Variants in LAIR2 observed in about 807,000 individuals in gnomAD.
The protein encoded by LAIR2 is leukocyte associated immunoglobulin like receptor 2.
Under a neutral mutation model 14.8 loss-of-function variants are expected in LAIR2, and 14 were observed. The ratio of observed to expected loss-of-function variants is 0.95; its 90% CI spans 0.62 to 1.48. LAIR2 has a LOEUF of 1.48. Ranked by LOEUF, LAIR2 falls within the 40% of genes most tolerant of loss-of-function variation. The pLI, the probability that LAIR2 is intolerant of heterozygous loss-of-function variation, is 0.00. For missense variants in LAIR2, 172 were observed against 180.9 expected (o/e 0.95, Z 0.28); for synonymous variants, 75 against 74.5 (o/e 1.01, Z -0.03).
intron 2 of LAIR2, among the ~76,000 whole-genome samples, chr19:54,507,420 C>T (rs967816428): frequency 5.3e-5 from 8 of 152,186 alleles, no homozygotes; most frequent in Middle Eastern, 6.8e-3. Context: ...TGGCAACCCC[C>T]GTCCCACACT....
At chr19:54,506,017 G>T (rs1322176539) in intron 2 of LAIR2, among the ~76,000 whole-genome samples, 1 of 151,976 alleles carries the variant, frequency 6.6e-6, no homozygotes, top group Non-Finnish European at 1.5e-5. Flanking sequence ...TAGAGACGGG[G>T]ATTCACCATG....
chr19:54,503,416 C>G (rs1019439409), intron 1 of LAIR2, among the ~76,000 whole-genome samples: 1 of 151,904 alleles, frequency 6.6e-6, no homozygotes, highest in Admixed American at 6.6e-5. Flanking sequence ...TAAGATCGCG[C>G]CACTGCACTC....
rs1435846344 is a variant in LAIR2 at position 54,507,891 on chromosome 19, G to A, written c.71G>A (p.Gly24Glu). 6.2e-7 allele frequency: 1 copy of A among 1,612,836 alleles called. No individual in the cohort carries two copies. ...CLAQTIHTQEGALPRPSISAE... is the reference protein window; with the variant it reads ...CLAQTIHTQEEALPRPSISAE... ...AGATCCTTCTTTGCTTCCCTCTTAG[G>A]GGCCCTTCCCAGACCCTCCATCTCG... The change falls in exon 3 of 5, where the codon GGG (glycine) becomes GAG (glutamate). Residue 24 changes from glycine to glutamate, a missense_variant and splice_region_variant. By Grantham distance (98) the Gly-to-Glu change is moderately conservative. Coordinates refer to ENST00000301202, the MANE Select transcript of LAIR2 (RefSeq NM_002288.6).
intron 2 of LAIR2, among the ~76,000 whole-genome samples, chr19:54,504,665 A>G (rs1207477521): frequency 6.6e-6 from 1 of 152,032 alleles, no homozygotes; most frequent in African/African-American, 2.4e-5. Context: ...GCTGGAGTGC[A>G]ATGGCACAAT....
chr19:54,507,244 G>A (rs1051307289), intron 2 of LAIR2, among the ~76,000 whole-genome samples: 1 of 145,524 alleles, frequency 6.9e-6, no homozygotes. Context: ...ACAAGGAAAT[G>A]CAAATTAAGC....
chr19:54,507,832 T>G, intron 2 of LAIR2, 59 bp from the exon 3 acceptor site: 2 of 1,480,956 alleles, frequency 1.4e-6, no homozygotes, highest in Non-Finnish European at 1.9e-6. Flanking sequence ...TAAAATGACG[T>G]GTGTGGCATG....
chr19:54,510,251 C>T (rs1036371569), intron 4 of LAIR2, among the ~76,000 whole-genome samples: 1 of 144,560 alleles, frequency 6.9e-6, no homozygotes, highest in South Asian at 2.1e-4. Flanking sequence ...ATAAAGGTCA[C>T]GAGGGCAGAC....
intron 2 of LAIR2, 149 bp downstream of exon 2, chr19:54,503,884 AC>A (rs2085319978): frequency 3.2e-6 from 3 of 936,550 alleles, no homozygotes; most frequent in Non-Finnish European, 4.9e-6. Context: ...AAAATGCATA[AC>A]CCTCACCCCT....
intron 2 of LAIR2, 21 bp from the exon 3 acceptor site, chr19:54,507,870 C>A (rs2085391714): frequency 6.2e-7 from 1 of 1,605,766 alleles, no homozygotes; most frequent in Non-Finnish European, 8.5e-7. Flanking sequence ...ACGCTGAGAT[C>A]CTTCTTTGCT....
At chr19:54,504,632 T>C (rs1044224019) in intron 2 of LAIR2, among the ~76,000 whole-genome samples, 2 of 152,096 alleles carry the variant, frequency 1.3e-5, no homozygotes, top group African/African-American at 4.8e-5. Context: ...TGTTTTGGGA[T>C]GGAGTCTCAC....
chr19:54,506,570 AC>A (rs1033322963), intron 2 of LAIR2, among the ~76,000 whole-genome samples: 94 of 152,268 alleles, frequency 6.2e-4, no homozygotes, highest in African/African-American at 2.2e-3. Flanking sequence ...AGATCCCTGC[AC>A]ACTTACCCAC....
chr19:54,510,214 T>C (rs2085445196), intron 4 of LAIR2, among the ~76,000 whole-genome samples: 1 of 144,040 alleles, frequency 6.9e-6, no homozygotes, highest in African/African-American at 2.7e-5. Flanking sequence ...CTTCCTTCTC[T>C]CTTCTCTCAC....
Position 54,508,104 on chromosome 19 carries a change from A to G in LAIR2, c.284A>G (p.Asn95Ser). The G allele has an allele frequency of 6.2e-7, 1 of 1,614,210 alleles. No homozygotes were observed. Reference protein sequence around the residue: ...RFHIDSVSEGNAGLYRCLYYK... With the variant: ...RFHIDSVSEGSAGLYRCLYYK... ...CACATTGACTCAGTAAGTGAAGGAA[A>G]TGCCGGGCTTTATCGCTGCCTCTAT... The change falls in exon 3 of 5, where the codon AAT (asparagine) becomes AGT (serine). Residue 95 changes from asparagine to serine, a missense_variant. Physicochemically the swap from Asn to Ser is conservative, Grantham distance 46 (BLOSUM62 1). Transcript: ENST00000301202.
chr19:54,506,184 G>T (rs538837453), intron 2 of LAIR2, among the ~76,000 whole-genome samples: 6 of 152,078 alleles, frequency 3.9e-5, no homozygotes, highest in Non-Finnish European at 8.8e-5. Context: ...GCATGTATTT[G>T]TCATGTCCAA....
chr19:54,508,398 G>A (rs1460646817), intron 3 of LAIR2, among the ~76,000 whole-genome samples: 4 of 152,138 alleles, frequency 2.6e-5, no homozygotes, highest in Non-Finnish European at 5.9e-5. Flanking sequence ...TCCTCTGGAC[G>A]CCACAGATGG....
rs1287777454 is a variant in LAIR2, at chr19:54,508,137, C to A, written c.317C>A (p.Pro106His). The change falls in exon 3 of 5, where the codon CCC (proline) becomes CAC (histidine). Residue 106 changes from proline to histidine, a missense_variant. Physicochemically the swap from Pro to His is moderately conservative, Grantham distance 77. Transcript: ENST00000301202. Reference protein sequence around the residue: ...AGLYRCLYYKPPGWSEHSDFL... With the variant: ...AGLYRCLYYKHPGWSEHSDFL... ...CTTTATCGCTGCCTCTATTATAAGC[C>A]CCCTGGATGGTCTGAGCACAGTGAC... 3.1e-6 allele frequency: 5 copies of A among 1,613,836 alleles called. No individual in the cohort carries two copies. Among genetic ancestry groups the A allele is most frequent in the Non-Finnish European group, 3.4e-6 (4 of 1,180,016 alleles).
intron 2 of LAIR2, among the ~76,000 whole-genome samples, chr19:54,507,524 A>T (rs898692689): frequency 1.3e-5 from 2 of 151,734 alleles, no homozygotes; most frequent in Admixed American, 6.6e-5. Context: ...TTCACGAATG[A>T]CCCTGTCATC....
chr19:54,510,653 A>G lies in LAIR2; in HGVS notation c.*84A>G. 2 of 1,451,554 alleles carry G rather than the reference A, an allele frequency of 1.4e-6. No homozygotes were observed. The highest frequency in any genetic ancestry group is 1.7e-5 in the Admixed American group (1 of 58,840). The allele number at this position is 1,451,554 out of a possible 1,614,324, so 89.9% of individuals were successfully genotyped here. ...GCAATAGAAATGCACAGATGCCTAT[A>G]CATACATATACAAATAAAAAGATAC... On this transcript the variant is annotated 3_prime_UTR_variant, in exon 5 of 5. Coordinates refer to ENST00000301202, the MANE Select transcript of LAIR2 (RefSeq NM_002288.6).
rs2123409728 is a variant in LAIR2 at position 54,510,640 on chromosome 19, C to A, written c.*71C>A. On this transcript the variant is annotated 3_prime_UTR_variant, in exon 5 of 5. Transcript: ENST00000301202. Reference sequence around the variant, plus strand: ...ATAATTAGAATGAGCAATAGAAATGCACAGATGCCTATACATACATATACA... The same window carrying A: ...ATAATTAGAATGAGCAATAGAAATGAACAGATGCCTATACATACATATACA... The A allele has an allele frequency of 1.3e-6, 2 of 1,542,344 alleles. No individual in the cohort carries two copies. Among genetic ancestry groups the A allele is most frequent in the Non-Finnish European group, 9.0e-7 (1 of 1,114,660 alleles).
Sources: gnomAD v4.1 joint callset for allele counts (sites outside exome capture counted in the v4.1 genomes callset) on GRCh38, gnomAD v4.1.1 for gene constraint, MANE v1.5 for transcripts, NCBI Gene and HGNC (gene_info 2026-07-23, HGNC 2026-07-21) for gene names.